ADGRD2: variants seen among roughly 807,000 people sequenced by gnomAD.
ADGRD2 encodes G protein-coupled receptor PGR24.
ADGRD2 carries 71 observed loss-of-function variants against 44.4 expected under a neutral mutation model. That is an observed-to-expected ratio of 1.60 (90% confidence interval 1.32 to 1.95). The LOEUF (loss-of-function observed/expected upper bound fraction) is 1.95, where lower values mean the gene tolerates loss of function less well. ADGRD2 is among the 30% of genes most tolerant of loss of function. The probability of loss-of-function intolerance (pLI) is 0.00; values close to 1 mark genes in which losing one functional copy is unlikely to be tolerated. For synonymous variants in ADGRD2, 481 were observed against 224.8 expected, an observed-to-expected ratio of 2.14 and a Z score of -10.19; for missense variants, 1,039 against 512.4, an observed-to-expected ratio of 2.03 and a Z score of -9.92.
At chr9:124,471,410 G>C (rs185967371) in intron 17 of ADGRD2, among the ~76,000 whole-genome samples, 1 of 152,314 alleles carries the variant, frequency 6.6e-6, no homozygotes, top group East Asian at 1.9e-4. Flanking sequence ...ACTCCACCCA[G>C]GGTCCATGTG....
chr9:124,453,139 C>T (rs778564604), exon 3 of ADGRD2: 1 of 701,870 alleles, frequency 1.4e-6, no homozygotes, highest in South Asian at 1.5e-5. Context: ...CGCGTGTACT[C>T]ACGTGCAGTG....
rs1231227755 is a variant in ADGRD2 at position 124,453,691 on chromosome 9, G to A, written c.923+15G>A. On this transcript the variant is annotated intron_variant, in intron 3 of 21. Coordinates refer to ENST00000334810, the Ensembl canonical transcript of ADGRD2. ...TCTCTGTCCCGGTACGACCCGCCCC[G>A]CCCCGGCCCCACCCCATGGCCCCGA... The A allele has an allele frequency of 1.1e-4, 26 of 242,846 alleles. No individual in the cohort carries two copies. Among genetic ancestry groups the A allele is most frequent in the Non-Finnish European group, 1.9e-4 (25 of 130,832 alleles). The allele number at this position is 242,846 out of a possible 1,614,324, so 15.0% of individuals were successfully genotyped here.
At chr9:124,471,910 C>T (rs1025827061) in intron 17 of ADGRD2, among the ~76,000 whole-genome samples, 1 of 152,134 alleles carries the variant, frequency 6.6e-6, no homozygotes, top group African/African-American at 2.4e-5. Flanking sequence ...AAGCCCTCTT[C>T]CAAGCCCCAC....
chr9:124,472,124 ACAGCCATGGGGCAATGCCACCGT>A (rs553296387), intron 17 of ADGRD2, among the ~76,000 whole-genome samples: 1,531 of 146,706 alleles, frequency 0.01, 22 homozygotes, highest in African/African-American at 0.032. Flanking sequence ...GGGCAGAGAC[ACAGCCATGGGGCAATGCCACCGT>A]CAGCCATGGG....
intron 10 of ADGRD2, among the ~76,000 whole-genome samples, chr9:124,462,939 C>T (rs1831748293): frequency 6.6e-6 from 1 of 151,418 alleles, no homozygotes; most frequent in African/African-American, 2.4e-5. Flanking sequence ...CTCTCTTTCT[C>T]TCTCTCTCCT....
Position 124,468,085 on chromosome 9 carries a change from C to T in ADGRD2, c.2131-3C>T. On this transcript the variant is annotated splice_polypyrimidine_tract_variant and splice_region_variant and intron_variant, in intron 12 of 21. Transcript: ENST00000334810. ...TGTTAACTGACTCCTCTGTCCTCTC[C>T]AGGGTCCCCAAGTCAGAGCGAACCA... is the stretch of plus-strand genomic sequence containing the variant. 1.4e-6 allele frequency: 1 copy of T among 718,516 alleles called. No individual in the cohort carries two copies. Among genetic ancestry groups the T allele is most frequent in the Non-Finnish European group, 2.6e-6 (1 of 385,142 alleles). 44.5% of individuals were successfully genotyped at this position (718,516 alleles called of 1,614,324 possible). A position where few individuals can be genotyped will look rare whatever the true frequency, so the allele number is the denominator to read the frequency against.
At chr9:124,452,446 C>T in intron 1 of ADGRD2, 64 bp from the exon 5 acceptor site, 1 of 716,480 alleles carries the variant, frequency 1.4e-6, no homozygotes, top group Admixed American at 2.0e-5. Flanking sequence ...TTGGCTCCGC[C>T]CAGCCCTGGA....
chr9:124,452,897 T>G lies in ADGRD2; in HGVS notation c.282-138T>G, dbSNP rs1187948890. On this transcript the variant is annotated intron_variant, in intron 2 of 21. Transcript: ENST00000334810. ...GGGCTTGACTCTTGGGCAGGGGAAC[T>G]CTAGCCCCCATTTCCTCCTTCCCGA... The G allele has an allele frequency of 3.1e-5, 19 of 604,572 alleles. No individual in the cohort carries two copies. In the East Asian group the frequency reaches 4.9e-4, roughly 16 times the overall value. The allele number at this position is 604,572 out of a possible 1,614,324, so 37.5% of individuals were successfully genotyped here.
At chr9:124,472,355 A>G (rs1405876161) in intron 17 of ADGRD2, among the ~76,000 whole-genome samples, 1 of 151,674 alleles carries the variant, frequency 6.6e-6, no homozygotes, top group East Asian at 1.9e-4. Context: ...TTTTTCTGGC[A>G]CTGACCCCAC....
intron 10 of ADGRD2, among the ~76,000 whole-genome samples, chr9:124,460,928 T>C (rs540442705): frequency 5.9e-5 from 9 of 152,316 alleles, no homozygotes; most frequent in African/African-American, 9.6e-5. Flanking sequence ...ACTAGCAGCA[T>C]TGGAGAGTTC....
intron 7 of ADGRD2, 86 bp downstream of exon 10, chr9:124,456,819 G>A: frequency 1.4e-6 from 1 of 693,128 alleles, no homozygotes; most frequent in South Asian, 1.5e-5. Context: ...AACTTCCACA[G>A]ACACTCCATT....
rs913549934 is a variant in ADGRD2 at position 124,468,273 on chromosome 9, C to A, written c.2233+83C>A. ...CTTTTCTAGGGTGACCCCCTGCCCCCAACTATTTTCACATGGCTCCACTTC... is the reference window on the plus strand; with the variant it reads ...CTTTTCTAGGGTGACCCCCTGCCCCAAACTATTTTCACATGGCTCCACTTC... On this transcript the variant is annotated intron_variant, in intron 13 of 21. Coordinates refer to ENST00000334810, the Ensembl canonical transcript of ADGRD2. 5.6e-6 allele frequency: 4 copies of A among 708,894 alleles called. No homozygotes were observed. In the African/African-American group the frequency reaches 7.0e-5, roughly 12 times the overall value. The allele number at this position is 708,894 out of a possible 1,614,324, so 43.9% of individuals were successfully genotyped here. A position where few individuals can be genotyped will look rare whatever the true frequency, so the allele number is the denominator to read the frequency against.
intron 17 of ADGRD2, among the ~76,000 whole-genome samples, chr9:124,470,977 G>A (rs1457399962): frequency 6.6e-6 from 1 of 152,226 alleles, no homozygotes; most frequent in Non-Finnish European, 1.5e-5. Flanking sequence ...GGGGACACAG[G>A]GCATCAGTCA....
intron 17 of ADGRD2, among the ~76,000 whole-genome samples, chr9:124,474,089 A>T (rs1287066978): frequency 6.6e-6 from 1 of 152,040 alleles, no homozygotes; most frequent in Non-Finnish European, 1.5e-5. Context: ...CAGCCTGACC[A>T]ATATGGTGAA....
chr9:124,455,159 C>T (rs891966111), intron 6 of ADGRD2, 32 bp downstream of exon 9: 2 of 660,168 alleles, frequency 3.0e-6, no homozygotes, highest in East Asian at 2.7e-5. Context: ...GGGGCAGGGG[C>T]CTGGGCTATG....
At chr9:124,453,634 C>A (rs1275354570) in exon 3 of ADGRD2, 4 of 701,468 alleles carry the variant, frequency 5.7e-6, no homozygotes, top group South Asian at 4.5e-5. Context: ...GGACGTCACG[C>A]CCTCGCTGCT....
Position 124,458,708 on chromosome 9 carries a change from AG to A in ADGRD2, c.1858del (p.Gln620HisfsTer66). On this transcript the variant is annotated frameshift_variant, in exon 10 of 22. Coordinates refer to ENST00000334810, the Ensembl canonical transcript of ADGRD2. LOFTEE classifies it high-confidence loss of function. ...AACGTGGCCATGACCTTTCATCTCC[AG>A]CACCGGGCCCAGGTACTGGGTGGCG... 1 of 718,496 alleles carries A rather than the reference AG, an allele frequency of 1.4e-6. No individual in the cohort carries two copies. Among genetic ancestry groups the A allele is most frequent in the Non-Finnish European group, 2.6e-6 (1 of 385,006 alleles). The allele number at this position is 718,496 out of a possible 1,614,324, so 44.5% of individuals were successfully genotyped here. A position where few individuals can be genotyped will look rare whatever the true frequency, so the allele number is the denominator to read the frequency against.
chr9:124,465,024 G>A lies in ADGRD2; in HGVS notation c.1871-1234G>A, dbSNP rs184908359. ...GTTGCTTAACTGCTCCCCGGTGATG[G>A]CTGCTTAGCTTGTTCCCAGTTTTTC... On this transcript the variant is annotated intron_variant, in intron 10 of 21. Coordinates refer to ENST00000334810, the Ensembl canonical transcript of ADGRD2. Among the ~76,000 whole-genome samples, 394 of 152,268 alleles carry A rather than the reference G, an allele frequency of 2.6e-3. 6 individuals carry two copies. Among genetic ancestry groups the A allele is most frequent in the African/African-American group, 8.6e-3 (357 of 41,556 alleles).
Position 124,466,501 on chromosome 9 carries a change from C to G in ADGRD2, c.2026+88C>G, listed in dbSNP as rs1276399944. 5.2e-6 allele frequency: 3 copies of G among 582,088 alleles called. No individual in the cohort carries two copies. The African/African-American group carries it at 5.6e-5, about 11-fold the overall frequency. 36.1% of individuals were successfully genotyped at this position (582,088 alleles called of 1,614,324 possible). Reference sequence around the variant, plus strand: ...GCCAATAGGTAGCCAGAAGAAGCATCTGAGGGATGCCAGCTTTCATAGATT... The same window carrying G: ...GCCAATAGGTAGCCAGAAGAAGCATGTGAGGGATGCCAGCTTTCATAGATT... On this transcript the variant is annotated intron_variant, in intron 11 of 21. Coordinates refer to ENST00000334810, the Ensembl canonical transcript of ADGRD2.
Sources: gnomAD v4.1 joint callset for allele counts (sites outside exome capture counted in the v4.1 genomes callset) on GRCh38, gnomAD v4.1.1 for gene constraint, MANE v1.5 for transcripts, NCBI Gene and HGNC (gene_info 2026-07-23, HGNC 2026-07-21) for gene names.